NOXO1: variants seen among roughly 807,000 people sequenced by gnomAD.
The protein encoded by NOXO1 is NADPH oxidase regulatory protein.
NOXO1 carries 38 observed loss-of-function variants against 33.3 expected under a neutral mutation model. That is an observed-to-expected ratio of 1.14 (90% CI 0.88 to 1.50). The LOEUF (loss-of-function observed/expected upper bound fraction) is 1.50, where lower values mean the gene tolerates loss of function less well. NOXO1 is among the 40% of genes most tolerant of loss of function. The pLI, the probability that NOXO1 is intolerant of heterozygous loss-of-function variation, is 0.00. For synonymous variants in NOXO1, 302 were observed against 237.3 expected (o/e 1.27, Z -2.51); for missense variants, 675 against 527.1 (o/e 1.28, Z -2.75).
Position 1,979,395 on chromosome 16 carries a change from C to T in NOXO1, c.818+30G>A, listed in dbSNP as rs780804700. The T allele has an allele frequency of 3.8e-6, 6 of 1,599,782 alleles. No individual in the cohort carries two copies. The Admixed American group carries it at 5.0e-5, about 13-fold the overall frequency. ...TTAGGGCCCCGCCCGCCTCGGCTAG[C>T]CTGCCCTGCCCACGCCCGCTCCCGC... is the stretch of plus-strand genomic sequence containing the variant. On this transcript the variant is annotated intron_variant, in intron 7 of 7. Coordinates refer to ENST00000356120, the MANE Select transcript of NOXO1 (RefSeq NM_172167.3).
Position 1,978,964 on chromosome 16 carries a change from C to T in NOXO1, c.*88G>A. 2 of 1,309,084 alleles carry T rather than the reference C, an allele frequency of 1.5e-6. No individual in the cohort carries two copies. Among genetic ancestry groups the T allele is most frequent in the Admixed American group, 5.4e-5 (2 of 37,366 alleles). The allele number at this position is 1,309,084 out of a possible 1,614,324, so 81.1% of individuals were successfully genotyped here. A position where few individuals can be genotyped will look rare whatever the true frequency, so the allele number is the denominator to read the frequency against. ...AGAGGAACAGCAAATGGCCCCCTCC[C>T]ATCCCTGCTGGCCAGGGAGATCCGC... On this transcript the variant is annotated 3_prime_UTR_variant, in exon 8 of 8. Transcript: ENST00000356120.
Position 1,981,275 on chromosome 16 carries a change from G to A in NOXO1, c.-96C>T, listed in dbSNP as rs2150892241. 1 of 1,557,600 alleles carries A rather than the reference G, an allele frequency of 6.4e-7. No individual in the cohort carries two copies. The highest frequency in any genetic ancestry group is 2.3e-5 in the East Asian group (1 of 43,364). ...CTCTGGGGGACCCAGAAAACCCCCT[G>A]GGATAGAATCCTGGCAACACCTCAA... On this transcript the variant is annotated 5_prime_UTR_variant, in exon 1 of 8. Coordinates refer to ENST00000356120, the MANE Select transcript of NOXO1 (RefSeq NM_172167.3).
chr16:1,980,883 G>A, intron 2 of NOXO1, 56 bp downstream of exon 2: 1 of 1,439,048 alleles, frequency 6.9e-7, no homozygotes, highest in African/African-American at 1.4e-5. Flanking sequence ...TCCAGTGGGA[G>A]GCAGCCGCGT....
rs1185229167 is a variant in NOXO1 at position 1,980,508 on chromosome 16, C to T, written c.260G>A (p.Arg87His). The change falls in exon 4 of 8, where the codon CGC (arginine) becomes CAC (histidine). Residue 87 changes from arginine (R) to histidine (H), a missense_variant. Arg to His is a conservative substitution (Grantham distance 29, BLOSUM62 0). Transcript: ENST00000356120. ...PLLGRVGRTS[R>H]GLARLQLLET... The stretch of plus-strand genomic sequence containing the variant: ...CAACAGCTGCAGGCGCGCCAGGCCG[C>T]GGCTCGTGCGCCCCACGCGTCCCAA... The T allele has an allele frequency of 1.2e-6, 2 of 1,602,980 alleles. No homozygotes were observed. The highest frequency in any genetic ancestry group is 2.2e-5 in the East Asian group (1 of 44,866).
In NOXO1 at chr16:1,980,963, A is replaced by T. The variant is rs182776971; in HGVS notation, c.123T>A (p.Ser41Arg). ...CCTTGAGCTGCCTGAATTCGTCCCA[A>T]CTCCTGCGCACGAAGGTGTCGCTGC... ...SDGSDTFVRR[S>R]WDEFRQLKKT... The change falls in exon 2 of 8, where the codon AGT becomes AGA. Residue 41 changes from serine to arginine, a missense_variant. Ser to Arg is a moderately radical substitution (Grantham distance 110). Transcript: ENST00000356120. 10 of 1,612,864 alleles carry T rather than the reference A, an allele frequency of 6.2e-6. No homozygotes were observed. In the Admixed American group the frequency reaches 1.3e-4, roughly 22 times the overall value.
chr16:1,978,938 C>T lies in NOXO1; in HGVS notation c.*114G>A. The T allele has an allele frequency of 1.7e-6, 2 of 1,181,876 alleles. No homozygotes were observed. The highest frequency in any genetic ancestry group is 2.6e-5 in the East Asian group (1 of 38,588). The allele number at this position is 1,181,876 out of a possible 1,614,324, so 73.2% of individuals were successfully genotyped here. On this transcript the variant is annotated 3_prime_UTR_variant, in exon 8 of 8. Transcript: ENST00000356120. ...GGGGTCATGCAGAACAAGCTTTACT[C>T]AGAGGAACAGCAAATGGCCCCCTCC...
Position 1,981,240 on chromosome 16 carries a change from C to T in NOXO1, c.-61G>A. The T allele has an allele frequency of 6.2e-7, 1 of 1,607,220 alleles. No homozygotes were observed. Among genetic ancestry groups the T allele is most frequent in the African/African-American group, 1.3e-5 (1 of 74,942 alleles). On this transcript the variant is annotated 5_prime_UTR_variant, in exon 1 of 8. Coordinates refer to ENST00000356120, the MANE Select transcript of NOXO1 (RefSeq NM_172167.3). ...GCGAGGACCCTTCTGCCTCCCCGTG[C>T]TTGAGAGGGCTCTGGGGGACCCAGA...
At position 1,979,155 on chromosome 16, in the gene NOXO1, C is replaced by T. The variant is rs1396175008; in HGVS notation, c.1013G>A (p.Arg338His). 6.8e-7 allele frequency: 1 copy of T among 1,460,820 alleles called. No homozygotes were observed. Among genetic ancestry groups the T allele is most frequent in the Admixed American group, 2.8e-5 (1 of 35,388 alleles). The allele number at this position is 1,460,820 out of a possible 1,614,324, so 90.5% of individuals were successfully genotyped here. ...GGCCCTGCGTGTGACGGTGCAGCAGCGGCTCTGGATGGCGCCCGGCGAAGG... is the reference window on the plus strand; with the variant it reads ...GGCCCTGCGTGTGACGGTGCAGCAGTGGCTCTGGATGGCGCCCGGCGAAGG... ...TRPSPGAIQS[R>H]CCTVTRRALE... The change falls in exon 8 of 8, where the codon CGC becomes CAC. Residue 338 changes from arginine (R) to histidine (H), a missense_variant. Coordinates refer to ENST00000356120, the MANE Select transcript of NOXO1 (RefSeq NM_172167.3).
At chr16:1,980,296 TC>T (rs552247687) in intron 4 of NOXO1, 70 bp downstream of exon 4, 22 of 1,530,280 alleles carry the variant, frequency 1.4e-5, no homozygotes, top group African/African-American at 5.5e-5. Context: ...CGCTGGCTGT[TC>T]CCCCCCACCC....
In NOXO1 at chr16:1,981,378, G is replaced by A. The variant is rs1044059079; in HGVS notation, c.-199C>T. On this transcript the variant is annotated 5_prime_UTR_variant, in exon 1 of 8. Coordinates refer to ENST00000356120, the MANE Select transcript of NOXO1 (RefSeq NM_172167.3). The stretch of plus-strand genomic sequence containing the variant: ...GCTGTCCCCCAAGCCCACGATCTGG[G>A]GGCAGGAGCACAGGGATTGGGGGAC... 1.5e-6 allele frequency: 2 copies of A among 1,354,042 alleles called. No individual in the cohort carries two copies. Among genetic ancestry groups the A allele is most frequent in the African/African-American group, 1.5e-5 (1 of 68,208 alleles). 83.9% of individuals were successfully genotyped at this position (1,354,042 alleles called of 1,614,324 possible). A position where few individuals can be genotyped will look rare whatever the true frequency, so the allele number is the denominator to read the frequency against.
intron 6 of NOXO1, 57 bp from the exon 7 acceptor site, chr16:1,979,599 G>C (rs909736102): frequency 1.4e-6 from 2 of 1,450,146 alleles, no homozygotes; most frequent in Admixed American, 1.8e-5. Flanking sequence ...AGGCCCGCCC[G>C]CACCCTTCTC....
Position 1,980,501 on chromosome 16 carries a change from C to T in NOXO1, c.267G>A (p.Leu89=). The T allele has an allele frequency of 6.2e-7, 1 of 1,603,198 alleles. No individual in the cohort carries two copies. Among genetic ancestry groups the T allele is most frequent in the Non-Finnish European group, 8.5e-7 (1 of 1,179,526 alleles). ...AGGTTTCCAACAGCTGCAGGCGCGCCAGGCCGCGGCTCGTGCGCCCCACGC... is the reference window on the plus strand; with the variant it reads ...AGGTTTCCAACAGCTGCAGGCGCGCTAGGCCGCGGCTCGTGCGCCCCACGC... The part of the protein sequence containing the change: ...LGRVGRTSRG[L]ARLQLLETYS... The change falls in exon 4 of 8, where the codon CTG becomes CTA. Residue 89 remains leucine (L), a synonymous_variant. Transcript: ENST00000356120.
At chr16:1,980,240 G>C in intron 4 of NOXO1, 59 bp from the exon 5 acceptor site, 2 of 1,532,800 alleles carry the variant, frequency 1.3e-6, no homozygotes, top group Non-Finnish European at 1.8e-6. Flanking sequence ...GAAACTGGGG[G>C]CGCCACCCCG....
intron 1 of NOXO1, 37 bp from the exon 2 acceptor site, chr16:1,981,056 T>C (rs757214036): frequency 1.6e-5 from 25 of 1,609,110 alleles, no homozygotes; most frequent in Non-Finnish European, 2.0e-5. Context: ...GTGGAGGTGC[T>C]GGTCCAGGCA....
At position 1,979,457 on chromosome 16, in the gene NOXO1, C is replaced by T. The variant is rs1239567712; in HGVS notation, c.786G>A (p.Leu262=). ...GCCACCAGCCGCGGTCTGACGTTTC[C>T]AACACGCGCACGCGCGCCCCCGCGG... The part of the protein sequence containing the change: ...SVPAGARVRV[L]ETSDRGWWLC... Residue 262 remains leucine, a synonymous_variant, in exon 7 of 8, where the codon TTG becomes TTA. Transcript: ENST00000356120. The T allele has an allele frequency of 6.2e-7, 1 of 1,611,194 alleles. No homozygotes were observed. Among genetic ancestry groups the T allele is most frequent in the African/African-American group, 1.3e-5 (1 of 74,900 alleles).
chr16:1,979,441 C>G lies in NOXO1; in HGVS notation c.802G>C (p.Gly268Arg). The change falls in exon 7 of 8, where the codon GGC becomes CGC. Residue 268 changes from glycine (G) to arginine (R), a missense_variant. Gly to Arg is a moderately radical substitution (Grantham distance 125). Coordinates refer to ENST00000356120, the MANE Select transcript of NOXO1 (RefSeq NM_172167.3). ...RVRVLETSDR[G>R]WWLCRYGDRA... ...CCCGCGTACCTGCATAGCCACCAGCCGCGGTCTGACGTTTCCAACACGCGC... is the reference window on the plus strand; with the variant it reads ...CCCGCGTACCTGCATAGCCACCAGCGGCGGTCTGACGTTTCCAACACGCGC... 1.2e-6 allele frequency: 2 copies of G among 1,610,332 alleles called. No individual in the cohort carries two copies. Among genetic ancestry groups the G allele is most frequent in the South Asian group, 1.1e-5 (1 of 90,910 alleles).
rs1033533642 is a variant in NOXO1, at chr16:1,979,217, G to A, written c.951C>T (p.Ser317=). ...AGEARGFPEP[S]QATAPPPTVP... ...CGGTGGGGGGAGGGGCGGTGGCCTG[G>A]GAGGGTTCAGGGAAGCCCCGGGCCT... Residue 317 remains serine (S), a synonymous_variant, in exon 8 of 8, where the codon TCC becomes TCT. Transcript: ENST00000356120. The A allele has an allele frequency of 8.1e-6, 12 of 1,479,840 alleles. No homozygotes were observed. The highest frequency in any genetic ancestry group is 9.8e-6 in the Non-Finnish European group (11 of 1,122,516). The allele number at this position is 1,479,840 out of a possible 1,614,324, so 91.7% of individuals were successfully genotyped here. A position where few individuals can be genotyped will look rare whatever the true frequency, so the allele number is the denominator to read the frequency against.
chr16:1,979,245 C>T lies in NOXO1; in HGVS notation c.923G>A (p.Gly308Asp). 2 of 1,514,820 alleles carry T rather than the reference C, an allele frequency of 1.3e-6. No individual in the cohort carries two copies. The highest frequency in any genetic ancestry group is 2.5e-5 in the South Asian group (2 of 81,508). 93.8% of individuals were successfully genotyped at this position (1,514,820 alleles called of 1,614,324 possible). Residue 308 changes from glycine to aspartate, a missense_variant, in exon 8 of 8, where the codon GGT (glycine) becomes GAT (aspartate). Transcript: ENST00000356120. ...TGFRGGDDPA[G>D]EARGFPEPSQ... is the part of the protein sequence containing the mutation. ...GGGTTCAGGGAAGCCCCGGGCCTCA[C>T]CCGCCGGGTCGTCTCCTCCACGGAA...
Position 1,981,190 on chromosome 16 carries a change from T to A in NOXO1, c.-11A>T, listed in dbSNP as rs2083502583. 5 of 1,613,384 alleles carry A rather than the reference T, an allele frequency of 3.1e-6. No individual in the cohort carries two copies. ...TCGGGGGCCTGCCATGGCTGTGGCT[T>A]CCAGGCTGCAGATTCCTGAAATGGG... On this transcript the variant is annotated 5_prime_UTR_variant, in exon 1 of 8. Transcript: ENST00000356120.
Sources: allele counts gnomAD v4.1 joint callset, GRCh38; gene constraint gnomAD v4.1.1; transcripts MANE v1.5; gene names NCBI Gene and HGNC (gene_info 2026-07-23, HGNC 2026-07-21).